MNDA: variants seen among roughly 807,000 people sequenced by gnomAD.
MNDA encodes epididymis secretory sperm binding protein.
A neutral mutation model predicts 37.8 loss-of-function variants in MNDA; 43 were observed. The observed-to-expected ratio is 1.14, with a 90% CI of 0.89 to 1.47. MNDA has a LOEUF of 1.47. Among genes scored for constraint, MNDA ranks in the 40% most tolerant of loss-of-function variants. The probability of loss-of-function intolerance (pLI) is 0.00; values close to 1 mark genes in which losing one functional copy is unlikely to be tolerated. For synonymous variants in MNDA, 181 were observed against 169.0 expected (o/e 1.07, Z -0.55); for missense variants, 536 against 476.0 (o/e 1.13, Z -1.17).
chr1:158,839,070 G>T (rs977189069), intron 1 of MNDA, among the ~76,000 whole-genome samples: 1 of 152,010 alleles, frequency 6.6e-6, no homozygotes, highest in Non-Finnish European at 1.5e-5. Flanking sequence ...AAGTCTGAGG[G>T]CTGTGTTTCT....
intron 3 of MNDA, 123 bp from the exon 4 acceptor site, chr1:158,843,832 G>C: frequency 1.3e-6 from 1 of 798,030 alleles, no homozygotes; most frequent in South Asian, 2.0e-5. Flanking sequence ...TAATTCCCTG[G>C]GGTTTCCAAG....
rs767145628 is a variant in MNDA at position 158,843,397 on chromosome 1, G to C, written c.384G>C (p.Gly128=). Residue 128 remains glycine (G), a synonymous_variant, in exon 3 of 7, where the codon GGG becomes GGC. Coordinates refer to ENST00000368141, the MANE Select transcript of MNDA (RefSeq NM_002432.3). ...ARNKLTSEAR[G]RIPVAQKRKT... is the part of the protein sequence containing the mutation. ...ACAAACTGACATCGGAAGCAAGAGG[G>C]AGGATTCCTGTAGCTCAGGTAAGCT... 6.2e-7 allele frequency: 1 copy of C among 1,609,854 alleles called. No individual in the cohort carries two copies. Among genetic ancestry groups the C allele is most frequent in the Non-Finnish European group, 8.5e-7 (1 of 1,178,074 alleles).
At position 158,843,435 on chromosome 1, in the gene MNDA, G is replaced by A; in HGVS notation, c.402+20G>A. 6.3e-7 allele frequency: 1 copy of A among 1,587,318 alleles called. No homozygotes were observed. Among genetic ancestry groups the A allele is most frequent in the Non-Finnish European group, 8.6e-7 (1 of 1,168,684 alleles). ...GCTCAGGTAAGCTTGAGAAAGAGGAGCAGGACTGAAGCCTCACAGAAGATA... is the reference window on the plus strand; with the variant it reads ...GCTCAGGTAAGCTTGAGAAAGAGGAACAGGACTGAAGCCTCACAGAAGATA... On this transcript the variant is annotated intron_variant, in intron 3 of 6. Coordinates refer to ENST00000368141, the MANE Select transcript of MNDA (RefSeq NM_002432.3).
chr1:158,831,826 A>G (rs1216505901), intron 1 of MNDA, among the ~76,000 whole-genome samples: 1 of 152,164 alleles, frequency 6.6e-6, no homozygotes, highest in Non-Finnish European at 1.5e-5. Flanking sequence ...TGATATTTAG[A>G]GGAGATACTT....
rs375325126 is a variant in MNDA at position 158,843,364 on chromosome 1, C to T, written c.351C>T (p.Thr117=). The change falls in exon 3 of 7, where the codon ACC becomes ACT. Residue 117 remains threonine, a synonymous_variant. Transcript: ENST00000368141. ...EEVGLAAPAP[T]ARNKLTSEAR... Reference sequence around the variant, plus strand: ...TGGGTCTTGCGGCACCTGCACCCACCGCAAGAAACAAACTGACATCGGAAG... The same window carrying T: ...TGGGTCTTGCGGCACCTGCACCCACTGCAAGAAACAAACTGACATCGGAAG... 20 of 1,612,092 alleles carry T rather than the reference C, an allele frequency of 1.2e-5. No homozygotes were observed. The highest frequency in any genetic ancestry group is 1.1e-4 in the East Asian group (5 of 44,750).
At chr1:158,842,505 T>C in intron 2 of MNDA, 87 bp downstream of exon 2, 1 of 1,404,752 alleles carries the variant, frequency 7.1e-7, no homozygotes, top group Non-Finnish European at 9.7e-7. Context: ...AGCTGGTACA[T>C]CCCTTTTCCA....
At chr1:158,847,609 T>C in intron 5 of MNDA, 119 bp from the exon 6 acceptor site, 1 of 874,824 alleles carries the variant, frequency 1.1e-6, no homozygotes. Flanking sequence ...AAGCCACATG[T>C]ATGATCTGTA....
At position 158,842,464 on chromosome 1, in the gene MNDA, C is replaced by T. The variant is rs764274032; in HGVS notation, c.265+46C>T. ...CATAGCTACTCTGCCTTGAGTCTCC[C>T]CAGTCTTCAGTAGAACCCCACCTTG... On this transcript the variant is annotated intron_variant, in intron 2 of 6. Coordinates refer to ENST00000368141, the MANE Select transcript of MNDA (RefSeq NM_002432.3). 22 of 1,560,344 alleles carry T rather than the reference C, an allele frequency of 1.4e-5. No homozygotes were observed. In the South Asian group the frequency reaches 2.3e-4, roughly 17 times the overall value.
chr1:158,839,017 T>C (rs138352136), intron 1 of MNDA, among the ~76,000 whole-genome samples: 19 of 152,286 alleles, frequency 1.2e-4, no homozygotes, highest in African/African-American at 4.6e-4. Context: ...TTCCTTTAAC[T>C]CATTTATCAT....
chr1:158,840,810 A>C (rs961671410), intron 1 of MNDA, among the ~76,000 whole-genome samples: 3 of 152,148 alleles, frequency 2.0e-5, no homozygotes, highest in African/African-American at 7.2e-5. Context: ...TGGCTTTACT[A>C]TATGTGCCCA....
At position 158,838,865 on chromosome 1, in the gene MNDA, C is replaced by T. The variant is rs577153535; in HGVS notation, c.-20-3269C>T. Among the ~76,000 whole-genome samples, 3 of 152,102 alleles carry T rather than the reference C, an allele frequency of 2.0e-5. No homozygotes were observed. The South Asian group carries it at 6.2e-4, about 32-fold the overall frequency. ...TGCCTATTGGTGTGGGCTGAGGAAC[C>T]CCTCTAGTGGATTTTACAATGCAGT... is the stretch of plus-strand genomic sequence containing the variant. On this transcript the variant is annotated intron_variant, in intron 1 of 6. Transcript: ENST00000368141.
intron 4 of MNDA, 36 bp from the exon 5 acceptor site, chr1:158,845,551 G>A (rs1324719609): frequency 6.5e-7 from 1 of 1,533,188 alleles, no homozygotes; most frequent in Admixed American, 2.0e-5. Flanking sequence ...CCTGCTCAAA[G>A]TTTTAAGTTT....
chr1:158,831,773 G>A lies in MNDA; in HGVS notation c.-21+216G>A, dbSNP rs1167746615. Among the ~76,000 whole-genome samples, 20 of 152,138 alleles carry A rather than the reference G, an allele frequency of 1.3e-4. 1 individual carries two copies. Among genetic ancestry groups the A allele is most frequent in the Non-Finnish European group, 8.8e-5 (6 of 67,998 alleles). On this transcript the variant is annotated intron_variant, in intron 1 of 6. Coordinates refer to ENST00000368141, the MANE Select transcript of MNDA (RefSeq NM_002432.3). ...ACCAAAAAAATGTATTTTGTCTACA[G>A]CAGGTTTTAAAAATTAATTCTTGGG...
At chr1:158,834,533 T>C (rs564724858) in intron 1 of MNDA, among the ~76,000 whole-genome samples, 3 of 152,302 alleles carry the variant, frequency 2.0e-5, no homozygotes, top group South Asian at 2.1e-4. Flanking sequence ...TCATCAAATA[T>C]ATAAAGTGTG....
intron 1 of MNDA, among the ~76,000 whole-genome samples, chr1:158,834,231 ATTT>A (rs58502272): frequency 2.3e-5 from 3 of 130,282 alleles, no homozygotes; most frequent in Non-Finnish European, 3.2e-5. Context: ...TCCTTTATCA[ATTT>A]TTTTTTTTTT....
Position 158,845,554 on chromosome 1 carries a change from TTAA to T in MNDA, c.571-32_571-30del, listed in dbSNP as rs779003000. 5.7e-6 allele frequency: 7 copies of T among 1,227,008 alleles called. No individual in the cohort carries two copies. The East Asian group carries it at 3.4e-4, about 59-fold the overall frequency. 76.0% of individuals were successfully genotyped at this position (1,227,008 alleles called of 1,614,324 possible). ...CGCGCCCGGCCTCCTGCTCAAAGTT[TTAA>T]GTTTATTTTCTTGTGTCTGCCCAAC... On this transcript the variant is annotated intron_variant, in intron 4 of 6. Coordinates refer to ENST00000368141, the MANE Select transcript of MNDA (RefSeq NM_002432.3).
chr1:158,842,406 G>A lies in MNDA; in HGVS notation c.253G>A (p.Glu85Lys). 1 of 1,611,164 alleles carries A rather than the reference G, an allele frequency of 6.2e-7. No individual in the cohort carries two copies. The highest frequency in any genetic ancestry group is 8.5e-7 in the Non-Finnish European group (1 of 1,179,034). The part of the protein sequence containing the change: ...LKNLVNNLRK[E>K]KSKVAKKIKT... ...AAACCTTGTTAACAATCTTCGAAAA[G>A]AGAAGTCAAAAGGTAATAGAGAAAA... The change falls in exon 2 of 7, where the codon GAG becomes AAG. Residue 85 changes from glutamate (E) to lysine (K), a missense_variant. Glu to Lys is a moderately conservative substitution (Grantham distance 56, BLOSUM62 1). Transcript: ENST00000368141.
intron 1 of MNDA, among the ~76,000 whole-genome samples, chr1:158,833,927 AT>A (rs1236159346): frequency 1.3e-5 from 2 of 152,090 alleles, no homozygotes; most frequent in Non-Finnish European, 1.5e-5. Flanking sequence ...TAAGAATCAT[AT>A]TTTTTTCATA....
chr1:158,834,134 A>G (rs183069407), intron 1 of MNDA, among the ~76,000 whole-genome samples: 2 of 148,476 alleles, frequency 1.3e-5, no homozygotes, highest in East Asian at 2.0e-4. Flanking sequence ...TTTGATTTGT[A>G]TTTTTCTAAA....
Sources: allele counts gnomAD v4.1 joint callset (sites outside exome capture counted in the v4.1 genomes callset), GRCh38; gene constraint gnomAD v4.1.1; transcripts MANE v1.5; gene names NCBI Gene and HGNC (gene_info 2026-07-23, HGNC 2026-07-21).